Variants in TTC39B observed in about 807,000 individuals in gnomAD.
TTC39B encodes tetratricopeptide repeat protein 39B.
Under a neutral mutation model 96.6 loss-of-function variants are expected in TTC39B, and 92 were observed. The ratio of observed to expected loss-of-function variants is 0.95; its 90% confidence interval spans 0.80 to 1.13. The LOEUF is 1.13. Ranked by LOEUF, TTC39B falls within the 50% of genes most tolerant of loss-of-function variation. The probability of loss-of-function intolerance (pLI) is 0.00; values close to 1 mark genes in which losing one functional copy is unlikely to be tolerated. For synonymous variants in TTC39B, 367 were observed against 299.4 expected, an observed-to-expected ratio of 1.23 and a Z score of -2.33; for missense variants, 955 against 809.3, an observed-to-expected ratio of 1.18 and a Z score of -2.18.
At chr9:15,276,726 G>C (rs1823557636) in intron 1 of TTC39B, among the ~76,000 whole-genome samples, 1 of 152,190 alleles carries the variant, frequency 6.6e-6, no homozygotes, top group African/African-American at 2.4e-5. Context: ...ACTGAATCCT[G>C]GCTCCACCTC....
intron 1 of TTC39B, among the ~76,000 whole-genome samples, chr9:15,272,855 G>A (rs1823406494): frequency 6.6e-6 from 1 of 152,104 alleles, no homozygotes; most frequent in Non-Finnish European, 1.5e-5. Flanking sequence ...TTAAAAAATG[G>A]GCTCACCTGT....
At chr9:15,299,620 A>G (rs1174741931) in intron 1 of TTC39B, among the ~76,000 whole-genome samples, 1 of 152,232 alleles carries the variant, frequency 6.6e-6, no homozygotes, top group East Asian at 1.9e-4. Context: ...AAAAGCACCC[A>G]CAGGAGTCCC....
chr9:15,299,839 A>T (rs1824521162), intron 1 of TTC39B, among the ~76,000 whole-genome samples: 1 of 152,186 alleles, frequency 6.6e-6, no homozygotes, highest in African/African-American at 2.4e-5. Flanking sequence ...GAAGGCAAGC[A>T]GCTAGCACAG....
chr9:15,288,729 G>T lies in TTC39B; in HGVS notation c.240+18355C>A, dbSNP rs1433882013. On this transcript the variant is annotated intron_variant, in intron 1 of 19. Transcript: ENST00000512701. ...GATGGCAAGGTTAAAAGAGCGCACT[G>T]TAACACAACACATGCCACTTGGGCT... Among the ~76,000 whole-genome samples the T allele has an allele frequency of 2.0e-5, 3 of 152,250 alleles. No individual in the cohort carries two copies. In the South Asian group the frequency reaches 6.2e-4, roughly 31 times the overall value.
exon 18 of TTC39B, chr9:15,177,770 G>C (rs267602188): frequency 4.3e-6 from 7 of 1,609,264 alleles, no homozygotes; most frequent in Non-Finnish European, 5.9e-6. Flanking sequence ...CATCCTTTAA[G>C]TAACTTCACT....
intron 3 of TTC39B, among the ~76,000 whole-genome samples, chr9:15,224,807 G>T (rs1564364437): frequency 6.6e-6 from 1 of 152,032 alleles, no homozygotes; most frequent in Non-Finnish European, 1.5e-5. Context: ...AAAGGATATG[G>T]AAAACAAATG....
At position 15,227,135 on chromosome 9, in the gene TTC39B, C is replaced by T. The variant is rs146171050; in HGVS notation, c.276-1123G>A. On this transcript the variant is annotated intron_variant, in intron 2 of 19. Transcript: ENST00000512701. ...CAGCCTGGCCAACATGGTGAAACTC[C>T]GTCTCTACTAAAAATACAAAAATTA... 5.5e-3 allele frequency among the ~76,000 whole-genome samples: 842 copies of T among 151,994 alleles called. 5 individuals carry two copies. The highest frequency in any genetic ancestry group is 8.5e-3 in the Non-Finnish European group (581 of 67,954).
intron 13 of TTC39B, 24 bp downstream of exon 13, chr9:15,189,550 A>T (rs1173985255): frequency 1.2e-6 from 2 of 1,613,766 alleles, no homozygotes; most frequent in Non-Finnish European, 1.7e-6. Flanking sequence ...AACTCCCCCA[A>T]ATAATTCCCA....
At chr9:15,207,817 T>G (rs550204476) in intron 6 of TTC39B, among the ~76,000 whole-genome samples, 1 of 151,150 alleles carries the variant, frequency 6.6e-6, no homozygotes, top group Non-Finnish European at 1.5e-5. Context: ...ACCCCGTCTC[T>G]ACTAAAAATA....
chr9:15,195,446 G>A (rs757398639), intron 8 of TTC39B, among the ~76,000 whole-genome samples: 6 of 151,972 alleles, frequency 3.9e-5, no homozygotes, highest in African/African-American at 1.2e-4. Context: ...CAAGGTGGGC[G>A]GATCATGAGG....
chr9:15,166,872 G>A (rs1051857379), exon 20 of TTC39B: 1 of 148,830 alleles, frequency 6.7e-6, no homozygotes, highest in Non-Finnish European at 1.5e-5. Context: ...AGAAATATCT[G>A]AAGAGATTTA....
chr9:15,301,377 T>C (rs113358913), intron 1 of TTC39B, among the ~76,000 whole-genome samples: 152 of 152,360 alleles, frequency 1.0e-3, no homozygotes, highest in African/African-American at 3.4e-3. Flanking sequence ...TCAAGGGTAA[T>C]AACTGTCTTG....
intron 2 of TTC39B, among the ~76,000 whole-genome samples, chr9:15,251,805 C>A (rs1270020362): frequency 1.3e-5 from 2 of 149,266 alleles, no homozygotes; most frequent in African/African-American, 2.5e-5. Context: ...TTACCCTTTT[C>A]ACACAGAATT....
intron 3 of TTC39B, among the ~76,000 whole-genome samples, chr9:15,220,528 G>A (rs550113927): frequency 6.6e-6 from 1 of 152,212 alleles, no homozygotes; most frequent in South Asian, 2.1e-4. Flanking sequence ...GCCGTTATGA[G>A]CATCAGAAAA....
At position 15,226,027 on chromosome 9, in the gene TTC39B, G is replaced by C. The variant is rs773584293; in HGVS notation, c.276-15C>G. 31 of 1,610,666 alleles carry C rather than the reference G, an allele frequency of 1.9e-5. No homozygotes were observed. The South Asian group carries it at 3.4e-4, about 18-fold the overall frequency. ...AGTGAGAAGATCTGTTAATTAAAAAGGCAGAGCAAGGTTTTTTATTTCTTT... is the reference window on the plus strand; with the variant it reads ...AGTGAGAAGATCTGTTAATTAAAAACGCAGAGCAAGGTTTTTTATTTCTTT... On this transcript the variant is annotated splice_polypyrimidine_tract_variant and intron_variant, in intron 2 of 19. Coordinates refer to ENST00000512701, the Ensembl canonical transcript of TTC39B.
intron 2 of TTC39B, among the ~76,000 whole-genome samples, chr9:15,257,520 C>T (rs865934385): frequency 6.6e-6 from 1 of 152,028 alleles, no homozygotes; most frequent in African/African-American, 2.4e-5. Context: ...ACCATCACAG[C>T]TCAACACAGC....
chr9:15,224,425 G>T (rs545393847), intron 3 of TTC39B: 1 of 152,278 alleles, frequency 6.6e-6, no homozygotes, highest in South Asian at 2.1e-4. Context: ...TGTTTGAACG[G>T]TCACTGTCTC....
At chr9:15,273,928 T>C (rs888086031) in intron 1 of TTC39B, among the ~76,000 whole-genome samples, 2 of 152,210 alleles carry the variant, frequency 1.3e-5, no homozygotes, top group African/African-American at 4.8e-5. Context: ...TTCTACGGAA[T>C]ACAAACACGT....
intron 2 of TTC39B, among the ~76,000 whole-genome samples, chr9:15,258,798 G>A (rs1056372642): frequency 3.9e-5 from 6 of 152,084 alleles, no homozygotes; most frequent in African/African-American, 1.4e-4. Flanking sequence ...GGACCTCCTT[G>A]GTAAGATGAG....
Sources: allele counts gnomAD v4.1 joint callset (sites outside exome capture counted in the v4.1 genomes callset), GRCh38; gene constraint gnomAD v4.1.1; transcripts MANE v1.5; gene names NCBI Gene and HGNC (gene_info 2026-07-23, HGNC 2026-07-21).